IGLON5: variants seen among roughly 807,000 people sequenced by gnomAD.
The protein encoded by IGLON5 is IgLON family member 5.
A neutral mutation model predicts 38.2 loss-of-function variants in IGLON5; 16 were observed. The observed-to-expected ratio is 0.42, with a 90% CI of 0.28 to 0.64. IGLON5 has a LOEUF of 0.64. Ranked by LOEUF, IGLON5 falls within the 30% of genes least tolerant of loss-of-function variation. IGLON5 has a pLI of 0.23. For missense variants in IGLON5, 366 were observed against 483.4 expected (o/e 0.76, Z 2.28); for synonymous variants, 207 against 216.4 (o/e 0.96, Z 0.38).
chr19:51,321,023 TTG>T lies in IGLON5; in HGVS notation c.80-1031_80-1030del, dbSNP rs201715323. 4.4e-4 allele frequency among the ~76,000 whole-genome samples: 67 copies of T among 152,124 alleles called. No homozygotes were observed. The East Asian group carries it at 6.6e-3, about 15-fold the overall frequency. ...TTTGTGTGCCCATGTACATGTGTAT[TTG>T]TGTGTGTGTATGTGTGTATACATGT... On this transcript the variant is annotated intron_variant, in intron 1 of 7. Coordinates refer to ENST00000270642, the MANE Select transcript of IGLON5 (RefSeq NM_001101372.3).
intron 1 of IGLON5, among the ~76,000 whole-genome samples, chr19:51,321,279 G>A (rs532953491): frequency 6.6e-6 from 1 of 152,244 alleles, no homozygotes; most frequent in South Asian, 2.1e-4. Flanking sequence ...CCGAGTTCAA[G>A]TGATTCTCCT....
rs1182745867 is a variant in IGLON5 at position 51,330,654 on chromosome 19, AC to A, written c.*1896del. The stretch of plus-strand genomic sequence containing the variant: ...ATTGTGGCTCCGTGATGTGAAGTCA[AC>A]ATCTGTAGGGTTGCTTTTCTCCATC... On this transcript the variant is annotated 3_prime_UTR_variant, in exon 8 of 8. Coordinates refer to ENST00000270642, the MANE Select transcript of IGLON5 (RefSeq NM_001101372.3). Among the ~76,000 whole-genome samples the A allele has an allele frequency of 6.6e-6, 1 of 152,200 alleles. No homozygotes were observed. Among genetic ancestry groups the A allele is most frequent in the African/African-American group, 2.4e-5 (1 of 41,452 alleles).
intron 1 of IGLON5, among the ~76,000 whole-genome samples, chr19:51,313,698 C>CTTTCTTG (rs1984840620): frequency 3.2e-5 from 1 of 31,348 alleles, no homozygotes; most frequent in Non-Finnish European, 7.0e-5. Flanking sequence ...TTTCTTTCTT[C>CTTTCTTG]TTTCTTCTCT....
At chr19:51,323,590 C>A in intron 2 of IGLON5, 72 bp from the exon 3 acceptor site, 1 of 1,347,576 alleles carries the variant, frequency 7.4e-7, no homozygotes, top group Non-Finnish European at 1.0e-6. Flanking sequence ...CCTTCTCCCA[C>A]CCACCCCCTC....
chr19:51,318,052 A>G (rs1276350323), intron 1 of IGLON5, among the ~76,000 whole-genome samples: 1 of 152,220 alleles, frequency 6.6e-6, no homozygotes, highest in African/African-American at 2.4e-5. Context: ...TCAAGCCATC[A>G]CAAAGCTCCT....
chr19:51,328,330 T>A (rs1985265876), intron 7 of IGLON5, among the ~76,000 whole-genome samples: 1 of 129,154 alleles, frequency 7.7e-6, no homozygotes, highest in Non-Finnish European at 1.5e-5. Flanking sequence ...GGTGAAACTA[T>A]GTCTCTACCA....
rs376558246 is a variant in IGLON5 at position 51,323,704 on chromosome 19, C to T, written c.201C>T (p.Asn67=). ...ACGTGACCCGCGTGGCCTGGCTGAA[C>T]CGCTCCAACATCCTGTATGCCGGCA... is the stretch of plus-strand genomic sequence containing the variant. The part of the protein sequence containing the change: ...DEHVTRVAWL[N]RSNILYAGND... Residue 67 remains asparagine, a synonymous_variant, in exon 3 of 8, where the codon AAC becomes AAT. Coordinates refer to ENST00000270642, the MANE Select transcript of IGLON5 (RefSeq NM_001101372.3). 2.2e-5 allele frequency: 35 copies of T among 1,613,780 alleles called. No homozygotes were observed. The African/African-American group carries it at 3.2e-4, about 15-fold the overall frequency.
Position 51,327,074 on chromosome 19 carries a change from C to G in IGLON5, c.647-6C>G. The G allele has an allele frequency of 6.2e-7, 1 of 1,604,484 alleles. No individual in the cohort carries two copies. Among genetic ancestry groups the G allele is most frequent in the Non-Finnish European group, 8.5e-7 (1 of 1,174,406 alleles). On this transcript the variant is annotated splice_region_variant and splice_polypyrimidine_tract_variant and intron_variant, in intron 5 of 7. Coordinates refer to ENST00000270642, the MANE Select transcript of IGLON5 (RefSeq NM_001101372.3). The surrounding 1 kb of genome is among the most constrained non-coding windows in gnomAD (Gnocchi z 7.1). Reference sequence around the variant, plus strand: ...GGAGAATTCGCTGACCCTTGCCCCTCGCCAGATCCTCCGACCATCACGGAC... The same window carrying G: ...GGAGAATTCGCTGACCCTTGCCCCTGGCCAGATCCTCCGACCATCACGGAC...
rs1395624014 is a variant in IGLON5, at chr19:51,327,990, G to C, written c.922+104G>C. ...GCCCTTCAGGCTGGCCCTGAACTTA[G>C]GAGATGGACGCTGAGACTGAAAAGC... On this transcript the variant is annotated intron_variant, in intron 7 of 7. Coordinates refer to ENST00000270642, the MANE Select transcript of IGLON5 (RefSeq NM_001101372.3). The surrounding 1 kb of genome is among the most constrained non-coding windows in gnomAD (Gnocchi z 7.1). 8.4e-7 allele frequency: 1 copy of C among 1,191,634 alleles called. No individual in the cohort carries two copies. The highest frequency in any genetic ancestry group is 1.1e-6 in the Non-Finnish European group (1 of 884,748). 73.8% of individuals were successfully genotyped at this position (1,191,634 alleles called of 1,614,324 possible).
intron 2 of IGLON5, among the ~76,000 whole-genome samples, chr19:51,323,169 G>GCT (rs1432755312): frequency 8.6e-6 from 1 of 116,900 alleles, no homozygotes; most frequent in African/African-American, 3.4e-5. Context: ...GGTCTCTGTA[G>GCT]CTCTCTCTCT....
chr19:51,322,192 C>T, intron 2 of IGLON5, 50 bp downstream of exon 2: 1 of 1,441,762 alleles, frequency 6.9e-7, no homozygotes, highest in Non-Finnish European at 9.7e-7. Context: ...CCATGCGGTC[C>T]TGCCCCTTCA....
chr19:51,328,050 T>C (rs1244026534), intron 7 of IGLON5, among the ~76,000 whole-genome samples, 164 bp downstream of exon 7: 1 of 152,190 alleles, frequency 6.6e-6, no homozygotes, highest in East Asian at 1.9e-4. Context: ...GCAATCAATA[T>C]TCATTGAGTG....
rs754365665 is a variant in IGLON5, at chr19:51,328,687, G to T, written c.939G>T (p.Glu313Asp). ...SMRLLRPGSL[E>D]NSAPRPPGLL... ...TTCCCCCAGGCCCAGGATCCCTGGA[G>T]AACTCAGCCCCGAGGCCCCCAGGGC... Residue 313 changes from glutamate to aspartate, a missense_variant, in exon 8 of 8, where the codon GAG (glutamate) becomes GAT (aspartate). By Grantham distance (45) the Glu-to-Asp change is conservative. Coordinates refer to ENST00000270642, the MANE Select transcript of IGLON5 (RefSeq NM_001101372.3). 1 of 1,587,574 alleles carries T rather than the reference G, an allele frequency of 6.3e-7. No homozygotes were observed. The highest frequency in any genetic ancestry group is 8.6e-7 in the Non-Finnish European group (1 of 1,167,068).
intron 2 of IGLON5, 124 bp from the exon 3 acceptor site, chr19:51,323,538 C>T (rs1402377950): frequency 1.2e-5 from 9 of 760,836 alleles, no homozygotes; most frequent in East Asian, 2.7e-5. Context: ...CAGCAGCATC[C>T]GCCTCACAGG....
chr19:51,312,022 T>C, intron 1 of IGLON5, 96 bp downstream of exon 1: 4 of 602,488 alleles, frequency 6.6e-6, no homozygotes, highest in Non-Finnish European at 9.3e-6. Flanking sequence ...GCTGCATCCC[T>C]GGGCCGGCGC....
At chr19:51,315,646 G>C (rs1984899151) in intron 1 of IGLON5, among the ~76,000 whole-genome samples, 1 of 151,828 alleles carries the variant, frequency 6.6e-6, no homozygotes. Context: ...TCTCTGAGCA[G>C]GGGAGAGTGG....
intron 7 of IGLON5, 150 bp downstream of exon 7, chr19:51,328,036 C>A: frequency 1.2e-6 from 1 of 841,316 alleles, no homozygotes; most frequent in Non-Finnish European, 1.8e-6. Context: ...AGAAACCGAT[C>A]CACGCAATCA....
intron 4 of IGLON5, among the ~76,000 whole-genome samples, chr19:51,326,163 T>C (rs1985211904): frequency 6.6e-6 from 1 of 152,036 alleles, no homozygotes; most frequent in African/African-American, 2.4e-5. Context: ...ATGGTGCCAG[T>C]CACTAGATCC....
chr19:51,320,656 T>A (rs999725007), intron 1 of IGLON5, among the ~76,000 whole-genome samples: 10 of 152,104 alleles, frequency 6.6e-5, no homozygotes, highest in Non-Finnish European at 1.3e-4. Flanking sequence ...TGTGTAGATG[T>A]GTGTGTCTGC....
Sources: allele counts gnomAD v4.1 joint callset (sites outside exome capture counted in the v4.1 genomes callset), GRCh38; gene constraint gnomAD v4.1.1; non-coding constraint Gnocchi (gnomAD v3.1); transcripts MANE v1.5; gene names NCBI Gene and HGNC (gene_info 2026-07-23, HGNC 2026-07-21).